The following VAC14 variants were observed in gnomAD, a reference collection of about 807,000 sequenced individuals.
VAC14 encodes protein VAC14 homolog.
Under a neutral mutation model 85.3 loss-of-function variants are expected in VAC14, and 47 were observed. That is an observed-to-expected ratio of 0.55 (90% CI 0.44 to 0.70). The LOEUF is 0.70. Ranked by LOEUF, VAC14 falls within the 30% of genes least tolerant of loss-of-function variation. The probability of loss-of-function intolerance (pLI) is 0.00; values close to 1 mark genes in which losing one functional copy is unlikely to be tolerated. For synonymous variants in VAC14, 447 were observed against 430.5 expected, an observed-to-expected ratio of 1.04 and a Z score of -0.47; for missense variants, 861 against 1,004.3, an observed-to-expected ratio of 0.86 and a Z score of 1.93.
intron 14 of VAC14, among the ~76,000 whole-genome samples, chr16:70,726,539 C>G (rs2054433970): frequency 1.3e-5 from 2 of 152,230 alleles, no homozygotes; most frequent in Admixed American, 1.3e-4. Context: ...TATGACACGG[C>G]AGGCACTATC....
In VAC14 at chr16:70,766,591, C is replaced by T. The variant is rs768995417; in HGVS notation, c.1161-3566G>A. ...TCCTTCAAGGTACGGATGAGCAAGC[C>T]CAGGTCCAGAGGCAGTACGGGACCC... On this transcript the variant is annotated intron_variant, in intron 10 of 18. Coordinates refer to ENST00000261776, the MANE Select transcript of VAC14 (RefSeq NM_018052.5). 29 of 455,026 alleles carry T rather than the reference C, an allele frequency of 6.4e-5. 1 individual carries two copies. The highest frequency in any genetic ancestry group is 4.4e-4 in the South Asian group (28 of 64,162). The allele number at this position is 455,026 out of a possible 1,614,324, so 28.2% of individuals were successfully genotyped here.
chr16:70,761,769 A>G (rs1288608124), intron 12 of VAC14, among the ~76,000 whole-genome samples: 1 of 152,100 alleles, frequency 6.6e-6, no homozygotes, highest in Non-Finnish European at 1.5e-5. Context: ...CAAAAAGGCA[A>G]AGCTTAAGGG....
At chr16:70,744,355 T>C in intron 13 of VAC14, 68 bp downstream of exon 13, 3 of 1,595,572 alleles carry the variant, frequency 1.9e-6, no homozygotes, top group South Asian at 1.1e-5. Flanking sequence ...AGGACCGCCA[T>C]GGTCCAGCCT....
chr16:70,776,971 C>T (rs1381176841), intron 9 of VAC14, among the ~76,000 whole-genome samples: 1 of 151,978 alleles, frequency 6.6e-6, no homozygotes, highest in African/African-American at 2.4e-5. Flanking sequence ...CCATGACTGG[C>T]TAATTTTTTG....
At chr16:70,740,645 A>T (rs1168604831) in intron 13 of VAC14, among the ~76,000 whole-genome samples, 1 of 152,116 alleles carries the variant, frequency 6.6e-6, no homozygotes, top group African/African-American at 2.4e-5. Context: ...AAAGGAGGAG[A>T]CACAGGAGAT....
Position 70,786,739 on chromosome 16 carries a change from G to A in VAC14, c.105-374C>T, listed in dbSNP as rs781513707. 3.9e-5 allele frequency among the ~76,000 whole-genome samples: 6 copies of A among 152,316 alleles called. No individual in the cohort carries two copies. The South Asian group carries it at 8.3e-4, about 21-fold the overall frequency. On this transcript the variant is annotated intron_variant, in intron 1 of 18. Transcript: ENST00000261776. ...TCTCAGAAATTCTCCGCGTCTGAGCGACTATTTCCAGGGACGTTGCTGGGA... is the reference window on the plus strand; with the variant it reads ...TCTCAGAAATTCTCCGCGTCTGAGCAACTATTTCCAGGGACGTTGCTGGGA...
At chr16:70,757,435 C>G (rs565276078) in intron 12 of VAC14, among the ~76,000 whole-genome samples, 79 of 152,314 alleles carry the variant, frequency 5.2e-4, no homozygotes, top group African/African-American at 1.9e-3. Context: ...CAGCCTTGCT[C>G]CTGCTCTGGG....
At chr16:70,745,393 C>G (rs993156369) in intron 12 of VAC14, among the ~76,000 whole-genome samples, 1 of 152,158 alleles carries the variant, frequency 6.6e-6, no homozygotes, top group Non-Finnish European at 1.5e-5. Flanking sequence ...GCACCAAGAG[C>G]TGGCAGGGCG....
intron 12 of VAC14, among the ~76,000 whole-genome samples, chr16:70,759,617 T>C (rs2032155113): frequency 6.6e-6 from 1 of 151,804 alleles, no homozygotes; most frequent in African/African-American, 2.4e-5. Context: ...GAGAGTGAGA[T>C]TCCATGTCAA....
At position 70,780,648 on chromosome 16, in the gene VAC14, C is replaced by G. The variant is rs78920516; in HGVS notation, c.1096+142G>C. 3.9e-5 allele frequency: 42 copies of G among 1,086,254 alleles called. No individual in the cohort carries two copies. In the South Asian group the frequency reaches 6.3e-4, roughly 16 times the overall value. 67.3% of individuals were successfully genotyped at this position (1,086,254 alleles called of 1,614,324 possible). The stretch of plus-strand genomic sequence containing the variant: ...TGGGGGAGAACCACTGCTGCCACTG[C>G]GCTGGGTTGCTGCTACAATTGTGTG... On this transcript the variant is annotated intron_variant, in intron 9 of 18. Coordinates refer to ENST00000261776, the MANE Select transcript of VAC14 (RefSeq NM_018052.5).
chr16:70,692,193 G>T, intron 18 of VAC14: 1 of 657,400 alleles, frequency 1.5e-6, no homozygotes, highest in Non-Finnish European at 1.9e-6. Flanking sequence ...GCACTCCTCT[G>T]ACCAGAGGCT....
chr16:70,725,242 G>T (rs1009174161), intron 14 of VAC14, among the ~76,000 whole-genome samples: 1 of 152,238 alleles, frequency 6.6e-6, no homozygotes, highest in Non-Finnish European at 1.5e-5. Flanking sequence ...AAATGGACTC[G>T]AGATTCGGCA....
chr16:70,769,672 C>T (rs759099056), intron 10 of VAC14: 11 of 152,194 alleles, frequency 7.2e-5, no homozygotes, highest in Non-Finnish European at 1.3e-4. Flanking sequence ...CCAAAACCCT[C>T]GTCCAGTCTA....
At chr16:70,758,597 A>G (rs1169459737) in intron 12 of VAC14, among the ~76,000 whole-genome samples, 1 of 152,190 alleles carries the variant, frequency 6.6e-6, no homozygotes, top group African/African-American at 2.4e-5. Flanking sequence ...GGATACTCAC[A>G]GGTGGGGGTA....
intron 1 of VAC14, among the ~76,000 whole-genome samples, chr16:70,787,883 A>C (rs1179258866): frequency 1.3e-5 from 2 of 152,240 alleles, no homozygotes; most frequent in Admixed American, 6.5e-5. Context: ...GGAGCTGGGC[A>C]TATGAAAGAC....
At chr16:70,698,578 A>G (rs2053760041) in intron 15 of VAC14, 59 bp downstream of exon 15, 3 of 1,595,996 alleles carry the variant, frequency 1.9e-6, no homozygotes, top group South Asian at 1.1e-5. Context: ...GGGCTCACAC[A>G]GGGTGTGCCC....
intron 12 of VAC14, among the ~76,000 whole-genome samples, chr16:70,756,790 C>T (rs1023676066): frequency 6.6e-6 from 1 of 152,166 alleles, no homozygotes; most frequent in African/African-American, 2.4e-5. Flanking sequence ...AACAAAAGCT[C>T]CTTTTCAGAT....
At position 70,744,540 on chromosome 16, in the gene VAC14, A is replaced by G; in HGVS notation, c.1411T>C (p.Ser471Pro). 1.2e-6 allele frequency: 2 copies of G among 1,610,060 alleles called. No individual in the cohort carries two copies. Among genetic ancestry groups the G allele is most frequent in the South Asian group, 1.1e-5 (1 of 90,562 alleles). Residue 471 changes from serine (S) to proline (P), a missense_variant, in exon 13 of 19, where the codon TCC becomes CCC. Coordinates refer to ENST00000261776, the MANE Select transcript of VAC14 (RefSeq NM_018052.5). ...TCATCCGTCTGGCCTGCGGGGGAGGAAGCGATTTCTGCCAGCACCTCCAGG... is the reference window on the plus strand; with the variant it reads ...TCATCCGTCTGGCCTGCGGGGGAGGGAGCGATTTCTGCCAGCACCTCCAGG... Reference protein sequence around the residue: ...KDLEVLAEIASSPAGQTDDPG... With the variant: ...KDLEVLAEIAPSPAGQTDDPG...
At chr16:70,729,893 C>A (rs1468831701) in intron 14 of VAC14, among the ~76,000 whole-genome samples, 1 of 152,030 alleles carries the variant, frequency 6.6e-6, no homozygotes, top group African/African-American at 2.4e-5. Context: ...CTCGGTACCC[C>A]CTTGGAGAGC....
Sources: allele counts gnomAD v4.1 joint callset (sites outside exome capture counted in the v4.1 genomes callset), GRCh38; gene constraint gnomAD v4.1.1; transcripts MANE v1.5; gene names NCBI Gene and HGNC (gene_info 2026-07-23, HGNC 2026-07-21).